HSD17B14: variants seen among roughly 807,000 people sequenced by gnomAD.
The protein encoded by HSD17B14 is L-fucose dehydrogenase.
HSD17B14 carries 32 observed loss-of-function variants against 32.2 expected under a neutral mutation model. The ratio of observed to expected loss-of-function variants is 0.99; its 90% CI spans 0.75 to 1.33. The LOEUF is 1.33. HSD17B14 is among the 40% of genes most tolerant of loss of function. HSD17B14 has a pLI of 0.00. For missense variants in HSD17B14, 370 were observed against 366.5 expected (o/e 1.01, Z -0.08); for synonymous variants, 140 against 155.4 (o/e 0.90, Z 0.74).
At chr19:48,824,082 C>A (rs2035203179) in intron 5 of HSD17B14, among the ~76,000 whole-genome samples, 2 of 146,200 alleles carry the variant, frequency 1.4e-5, no homozygotes, top group Non-Finnish European at 1.5e-5. Context: ...TGGTGAAACC[C>A]TGTCTCTCCT....
At chr19:48,834,251 G>A (rs1007477883) in intron 3 of HSD17B14, 25 bp downstream of exon 3, 6 of 1,583,182 alleles carry the variant, frequency 3.8e-6, no homozygotes, top group East Asian at 2.2e-5. Flanking sequence ...GCGGAGATGG[G>A]GGTAGGAACA....
chr19:48,823,323 T>C (rs2035190434), intron 5 of HSD17B14, among the ~76,000 whole-genome samples: 1 of 151,992 alleles, frequency 6.6e-6, no homozygotes, highest in Admixed American at 6.6e-5. Flanking sequence ...GGTAGGAGGA[T>C]CACTTGAGCC....
At chr19:48,829,332 G>A (rs1023449268) in intron 5 of HSD17B14, among the ~76,000 whole-genome samples, 1 of 150,996 alleles carries the variant, frequency 6.6e-6, no homozygotes, top group Non-Finnish European at 1.5e-5. Context: ...GGGATTACAG[G>A]AGCACCACCA....
rs2035085875 is a variant in HSD17B14 at position 48,818,100 on chromosome 19, C to G, written c.370-2959G>C. ...GCTGAGGCGGGCAGTCACCTGAGGTCAGGAGTTCAAGACCAGACTGGTCAA... is the reference window on the plus strand; with the variant it reads ...GCTGAGGCGGGCAGTCACCTGAGGTGAGGAGTTCAAGACCAGACTGGTCAA... On this transcript the variant is annotated intron_variant, in intron 5 of 8. Transcript: ENST00000263278. 2.6e-5 allele frequency among the ~76,000 whole-genome samples: 4 copies of G among 152,044 alleles called. No homozygotes were observed. In the South Asian group the frequency reaches 8.3e-4, roughly 32 times the overall value.
chr19:48,820,040 C>T (rs1446304966), intron 5 of HSD17B14, among the ~76,000 whole-genome samples: 1 of 152,086 alleles, frequency 6.6e-6, no homozygotes, highest in Non-Finnish European at 1.5e-5. Context: ...GTTTATGGTC[C>T]CAGGTTTTCG....
Position 48,813,332 on chromosome 19 carries a change from C to A in HSD17B14, c.656G>T (p.Gly219Val). Residue 219 changes from glycine to valine, a missense_variant, in exon 9 of 9, where the codon GGC (glycine) becomes GTC (valine). Transcript: ENST00000263278. ...CGCAGCCCCGACCTCAGCGGGCTGG[C>A]CCATGCGGCCCAGTGGCTGGGGAGA... ...GMLAQPLGRM[G>V]QPAEVGAAAV... 1 of 1,583,558 alleles carries A rather than the reference C, an allele frequency of 6.3e-7. No homozygotes were observed. The highest frequency in any genetic ancestry group is 1.3e-5 in the African/African-American group (1 of 74,406).
intron 5 of HSD17B14, among the ~76,000 whole-genome samples, chr19:48,817,677 C>T (rs542657277): frequency 6.6e-6 from 1 of 152,180 alleles, no homozygotes; most frequent in South Asian, 2.1e-4. Flanking sequence ...TTTGTTTCTT[C>T]CCCAGCACTA....
chr19:48,814,546 A>G lies in HSD17B14; in HGVS notation c.474+491T>C, dbSNP rs2035018995. ...TCAAAAAAAAAGAAAGAAAGAAAAGAAAAAACAGAAATCTGCTGGGTGCGG... is the reference window on the plus strand; with the variant it reads ...TCAAAAAAAAAGAAAGAAAGAAAAGGAAAAACAGAAATCTGCTGGGTGCGG... On this transcript the variant is annotated intron_variant, in intron 6 of 8. Coordinates refer to ENST00000263278, the MANE Select transcript of HSD17B14 (RefSeq NM_016246.3). Among the ~76,000 whole-genome samples, 3 of 151,138 alleles carry G rather than the reference A, an allele frequency of 2.0e-5. No homozygotes were observed. In the South Asian group the frequency reaches 6.3e-4, roughly 32 times the overall value.
intron 5 of HSD17B14, among the ~76,000 whole-genome samples, chr19:48,817,280 C>A (rs944480863): frequency 6.6e-6 from 1 of 151,866 alleles, no homozygotes; most frequent in Admixed American, 6.6e-5. Context: ...CAGGTTCAAG[C>A]CCTTCTCCTG....
In HSD17B14 at chr19:48,816,876, T is replaced by C. The variant is rs146862172; in HGVS notation, c.370-1735A>G. Among the ~76,000 whole-genome samples, 40 of 150,952 alleles carry C rather than the reference T, an allele frequency of 2.6e-4. No individual in the cohort carries two copies. In the East Asian group the frequency reaches 7.6e-3, roughly 29 times the overall value. Reference sequence around the variant, plus strand: ...TTTCAGATAGGGTATCACTCTGTTGTCTAGGCTGGAATGCAGTGGTGCAAT... The same window carrying C: ...TTTCAGATAGGGTATCACTCTGTTGCCTAGGCTGGAATGCAGTGGTGCAAT... On this transcript the variant is annotated intron_variant, in intron 5 of 8. Transcript: ENST00000263278.
In HSD17B14 at chr19:48,815,018, G is replaced by A. The variant is rs750527960; in HGVS notation, c.474+19C>T. 1.3e-6 allele frequency: 2 copies of A among 1,578,756 alleles called. No individual in the cohort carries two copies. Among genetic ancestry groups the A allele is most frequent in the Non-Finnish European group, 1.7e-6 (2 of 1,149,142 alleles). ...TGGGAAGGAGTAGGGAGGGAAGGAA[G>A]GGGTAGGGGCTGCCATACCTTGGTG... On this transcript the variant is annotated intron_variant, in intron 6 of 8. Transcript: ENST00000263278.
chr19:48,836,360 C>A lies in HSD17B14; in HGVS notation c.52G>T (p.Gly18Trp). 7 of 1,613,998 alleles carry A rather than the reference C, an allele frequency of 4.3e-6. No homozygotes were observed. The highest frequency in any genetic ancestry group is 5.1e-6 in the Non-Finnish European group (6 of 1,179,978). Residue 18 changes from glycine (G) to tryptophan (W), a missense_variant, in exon 1 of 9, where the codon GGG (glycine) becomes TGG (tryptophan). Transcript: ENST00000263278. ...AGKVVVVTGGGRGIGAGIVRA... is the reference protein window; with the variant it reads ...AGKVVVVTGGWRGIGAGIVRA... ...ACGATCCCAGCTCCGATGCCGCGCC[C>A]GCCCCCGGTCACGACCACCACCTTC...
chr19:48,827,173 G>T (rs1010284057), intron 5 of HSD17B14, among the ~76,000 whole-genome samples: 1 of 151,334 alleles, frequency 6.6e-6, no homozygotes, highest in Non-Finnish European at 1.5e-5. Context: ...CTCATAAGAA[G>T]CTGGGATTAC....
chr19:48,825,529 T>C (rs2035229580), intron 5 of HSD17B14, among the ~76,000 whole-genome samples: 1 of 152,068 alleles, frequency 6.6e-6, no homozygotes, highest in Admixed American at 6.6e-5. Context: ...CAGGCTGGTC[T>C]TGAGCTCCTG....
intron 2 of HSD17B14, 58 bp from the exon 3 acceptor site, chr19:48,834,416 G>C: frequency 6.4e-6 from 7 of 1,095,866 alleles, no homozygotes; most frequent in Non-Finnish European, 9.4e-6. Flanking sequence ...GGAGGGGTTG[G>C]GGACTTGGAC....
chr19:48,835,958 A>G (rs1279693365), intron 1 of HSD17B14, 115 bp from the exon 2 acceptor site: 4 of 885,984 alleles, frequency 4.5e-6, no homozygotes, highest in African/African-American at 1.7e-5. Context: ...CCCCAGTCTC[A>G]TGATCACCCA....
chr19:48,833,612 A>G lies in HSD17B14; in HGVS notation c.210+664T>C, dbSNP rs1599844700. On this transcript the variant is annotated intron_variant, in intron 3 of 8. Transcript: ENST00000263278. ...GAGGCTGAGGCGGGCGGATCATCTG[A>G]GGTTGGGAGTTCGAGACCAGCCTGA... is the stretch of plus-strand genomic sequence containing the variant. 2.0e-5 allele frequency among the ~76,000 whole-genome samples: 3 copies of G among 152,064 alleles called. No homozygotes were observed. The East Asian group carries it at 5.8e-4, about 29-fold the overall frequency.
At position 48,836,444 on chromosome 19, in the gene HSD17B14, C is replaced by T; in HGVS notation, c.-33G>A. 6.2e-7 allele frequency: 1 copy of T among 1,605,990 alleles called. No homozygotes were observed. Among genetic ancestry groups the T allele is most frequent in the Non-Finnish European group, 8.5e-7 (1 of 1,174,624 alleles). On this transcript the variant is annotated 5_prime_UTR_variant, in exon 1 of 9. Transcript: ENST00000263278. ...ACGTCGGTCTCTCTCTCTCTCTACT[C>T]TGGGCCTCTTTCACCTCCAAAGCCC...
chr19:48,814,313 A>C (rs2035014983), intron 6 of HSD17B14, among the ~76,000 whole-genome samples: 1 of 151,650 alleles, frequency 6.6e-6, no homozygotes, highest in Non-Finnish European at 1.5e-5. Context: ...TGAGGTCGGG[A>C]GTTCGAGACC....
Sources: allele counts gnomAD v4.1 joint callset (sites outside exome capture counted in the v4.1 genomes callset), GRCh38; gene constraint gnomAD v4.1.1; transcripts MANE v1.5; gene names NCBI Gene and HGNC (gene_info 2026-07-23, HGNC 2026-07-21).